TUBGCP3: variants seen among roughly 807,000 people sequenced by gnomAD.
TUBGCP3 encodes the protein tubulin gamma complex component 3.
In TUBGCP3, 50 loss-of-function variants were observed where a neutral mutation model predicts 123.1. That is an observed-to-expected ratio of 0.41 (90% CI 0.32 to 0.51). TUBGCP3 has a LOEUF of 0.51. Among genes scored for constraint, TUBGCP3 ranks in the 20% least tolerant of loss-of-function variants. TUBGCP3 has a pLI of 0.36. For missense variants in TUBGCP3, 882 were observed against 1,127.0 expected (o/e 0.78, Z 3.11); for synonymous variants, 405 against 413.9 (o/e 0.98, Z 0.26).
At chr13:112,488,834 C>A (rs1879865722) in intron 21 of TUBGCP3, among the ~76,000 whole-genome samples, 1 of 144,462 alleles carries the variant, frequency 6.9e-6, no homozygotes. Flanking sequence ...CCCACACCCA[C>A]CACAGGGGAG....
At chr13:112,556,871 T>C (rs1158859546) in intron 5 of TUBGCP3, among the ~76,000 whole-genome samples, 2 of 152,230 alleles carry the variant, frequency 1.3e-5, no homozygotes, top group Non-Finnish European at 2.9e-5. Flanking sequence ...TGATTTCTAA[T>C]AGCGTCAGTT....
At chr13:112,551,430 T>G (rs1879580697) in intron 8 of TUBGCP3, among the ~76,000 whole-genome samples, 1 of 152,350 alleles carries the variant, frequency 6.6e-6, no homozygotes, top group East Asian at 1.9e-4. Flanking sequence ...CTGGTAATAC[T>G]GACACAGGAC....
intron 17 of TUBGCP3, 29 bp downstream of exon 17, chr13:112,516,411 G>A (rs1594131474): frequency 1.3e-6 from 2 of 1,564,708 alleles, no homozygotes; most frequent in East Asian, 2.3e-5. Flanking sequence ...GGGAGTGTGT[G>A]CGGACCCGTG....
In TUBGCP3 at chr13:112,545,501, AGAACTCGT is replaced by A; in HGVS notation, c.1335+190_1335+197del. ...ACTGGGACAATTCTCCACTAACCAA[AGAACTCGT>A]GAACTTATCTGCTGTTCAGTGAGAT... On this transcript the variant is annotated intron_variant, in intron 11 of 21. Coordinates refer to ENST00000261965, the MANE Select transcript of TUBGCP3 (RefSeq NM_006322.6). The surrounding 1 kb of genome is among the most constrained non-coding windows in gnomAD (Gnocchi z 4.1). 1 of 565,100 alleles carries A rather than the reference AGAACTCGT, an allele frequency of 1.8e-6. No individual in the cohort carries two copies. Among genetic ancestry groups the A allele is most frequent in the Non-Finnish European group, 3.1e-6 (1 of 326,748 alleles). 35.0% of individuals were successfully genotyped at this position (565,100 alleles called of 1,614,324 possible).
At chr13:112,590,167 G>A (rs1429516437), upstream of TUBGCP3, among the ~76,000 whole-genome samples, 2 of 151,940 alleles carry the variant, frequency 1.3e-5, no homozygotes, top group South Asian at 2.1e-4. Context: ...TAGTAGAGAC[G>A]GGGTTACACT....
At chr13:112,518,870 G>A in intron 16 of TUBGCP3, 105 bp downstream of exon 16, 1 of 943,084 alleles carries the variant, frequency 1.1e-6, no homozygotes, top group Non-Finnish European at 1.7e-6. Context: ...GATGTCGAGT[G>A]ATCACTTGAA....
intron 11 of TUBGCP3, among the ~76,000 whole-genome samples, chr13:112,538,954 A>G (rs1264092270): frequency 6.6e-6 from 1 of 152,248 alleles, no homozygotes; most frequent in Non-Finnish European, 1.5e-5. Context: ...TGTTATTAAT[A>G]CTTAGAGTAA....
chr13:112,593,615 G>T, the TUBGCP3 span, among the ~76,000 whole-genome samples: 3 of 152,136 alleles, frequency 2.0e-5, no homozygotes, highest in Non-Finnish European at 2.9e-5. Context: ...GGAGATTGCA[G>T]TGAGCTGACA....
upstream of TUBGCP3, among the ~76,000 whole-genome samples, chr13:112,592,447 C>A (rs768723778): frequency 3.3e-5 from 5 of 152,144 alleles, no homozygotes; most frequent in South Asian, 2.1e-4. This position sits in a 1 kb window ranked among gnomAD's most constrained non-coding sequence, Gnocchi z 4.1. Flanking sequence ...TGCCAGCCCC[C>A]ACCCTGGTGT....
In TUBGCP3 at chr13:112,526,924, C is replaced by G. The variant is rs765126494; in HGVS notation, c.1555+18G>C. The G allele has an allele frequency of 3.2e-6, 5 of 1,574,804 alleles. No homozygotes were observed. The highest frequency in any genetic ancestry group is 1.3e-5 in the African/African-American group (1 of 74,082). ...TCACACCATTGCCATCATCACCACCCCACCAGCATCATCATACCGTCCTGG... is the reference window on the plus strand; with the variant it reads ...TCACACCATTGCCATCATCACCACCGCACCAGCATCATCATACCGTCCTGG... On this transcript the variant is annotated intron_variant, in intron 13 of 21. Coordinates refer to ENST00000261965, the MANE Select transcript of TUBGCP3 (RefSeq NM_006322.6).
chr13:112,528,178 T>C (rs973869349), intron 11 of TUBGCP3, among the ~76,000 whole-genome samples: 16 of 152,250 alleles, frequency 1.1e-4, no homozygotes, highest in African/African-American at 3.6e-4. Flanking sequence ...TCAATTGCTG[T>C]TGCTTCCAGT....
Position 112,526,941 on chromosome 13 carries a change from C to T in TUBGCP3, c.1555+1G>A. The T allele has an allele frequency of 6.2e-7, 1 of 1,608,482 alleles. No individual in the cohort carries two copies. The highest frequency in any genetic ancestry group is 8.5e-7 in the Non-Finnish European group (1 of 1,175,332). On this transcript the variant is annotated splice_donor_variant, in intron 13 of 21. Coordinates refer to ENST00000261965, the MANE Select transcript of TUBGCP3 (RefSeq NM_006322.6). LOFTEE classifies it high-confidence loss of function. ...TCACCACCCCACCAGCATCATCATA[C>T]CGTCCTGGGGTGACTCTGCAGACTT...
chr13:112,572,170 C>T (rs372809995), intron 1 of TUBGCP3, among the ~76,000 whole-genome samples: 2 of 152,234 alleles, frequency 1.3e-5, no homozygotes. Flanking sequence ...CAGCTTTTGG[C>T]ATGCCTTCCT....
In TUBGCP3 at chr13:112,505,667, A is replaced by G. The variant is rs558232533; in HGVS notation, c.2087-953T>C. ...TGGTTTAACACATGACAGCTTCGTCAGTAAAGAAAAGTGGGAGAGGAGGAG... is the reference window on the plus strand; with the variant it reads ...TGGTTTAACACATGACAGCTTCGTCGGTAAAGAAAAGTGGGAGAGGAGGAG... On this transcript the variant is annotated intron_variant, in intron 17 of 21. Coordinates refer to ENST00000261965, the MANE Select transcript of TUBGCP3 (RefSeq NM_006322.6). Among the ~76,000 whole-genome samples the G allele has an allele frequency of 3.3e-5, 5 of 152,390 alleles. No individual in the cohort carries two copies. The East Asian group carries it at 9.6e-4, about 29-fold the overall frequency.
intron 19 of TUBGCP3, among the ~76,000 whole-genome samples, chr13:112,503,274 C>T (rs142331422): frequency 3.5e-4 from 53 of 152,306 alleles, no homozygotes; most frequent in African/African-American, 1.3e-3. Flanking sequence ...GAAGATTTGC[C>T]ACATGGAACG....
At chr13:112,586,172 G>C (rs1882596960) in intron 1 of TUBGCP3, among the ~76,000 whole-genome samples, 1 of 150,464 alleles carries the variant, frequency 6.6e-6, no homozygotes, top group African/African-American at 2.5e-5. Flanking sequence ...CCGGAAGGTA[G>C]AGCTTGGCAG....
intron 17 of TUBGCP3, 104 bp downstream of exon 17, chr13:112,516,336 C>T (rs1051057952): frequency 1.6e-6 from 2 of 1,238,768 alleles, no homozygotes; most frequent in Non-Finnish European, 2.1e-6. Context: ...TAGCTGTCAC[C>T]GTGAGTCTAC....
At chr13:112,599,556 G>A in the TUBGCP3 span, among the ~76,000 whole-genome samples, 3 of 152,172 alleles carry the variant, frequency 2.0e-5, no homozygotes, top group African/African-American at 7.2e-5. Flanking sequence ...GCCCAGGCTG[G>A]AGTGCAGTGG....
intron 1 of TUBGCP3, among the ~76,000 whole-genome samples, chr13:112,581,658 C>G (rs1477912090): frequency 6.6e-6 from 1 of 152,116 alleles, no homozygotes; most frequent in Non-Finnish European, 1.5e-5. Flanking sequence ...GTTGCCCAGG[C>G]TGGTCTCGAA....
Sources: gnomAD v4.1 joint callset for allele counts (sites outside exome capture counted in the v4.1 genomes callset) on GRCh38, gnomAD v4.1.1 for gene constraint, Gnocchi (gnomAD v3.1) non-coding constraint, MANE v1.5 for transcripts, NCBI Gene and HGNC (gene_info 2026-07-23, HGNC 2026-07-21) for gene names.